CTNNA2: variants seen among roughly 807,000 people sequenced by gnomAD.
CTNNA2 encodes catenin alpha 2.
Under a neutral mutation model 101.0 loss-of-function variants are expected in CTNNA2, and 42 were observed. That is an observed-to-expected ratio of 0.42 (90% CI 0.32 to 0.54). CTNNA2 has a LOEUF of 0.54. Among genes scored for constraint, CTNNA2 ranks in the 20% least tolerant of loss-of-function variants. The probability of loss-of-function intolerance (pLI) is 0.14; values close to 1 mark genes in which losing one functional copy is unlikely to be tolerated. For synonymous variants in CTNNA2, 450 were observed against 456.4 expected, an observed-to-expected ratio of 0.99 and a Z score of 0.18; for missense variants, 871 against 1,223.1, an observed-to-expected ratio of 0.71 and a Z score of 4.29.
chr2:79,702,933 C>T (rs1685108669), intron 2 of CTNNA2, among the ~76,000 whole-genome samples: 1 of 152,174 alleles, frequency 6.6e-6, no homozygotes, highest in Non-Finnish European at 1.5e-5. Flanking sequence ...CTCGCCCTCT[C>T]TGCAGCCCTT....
chr2:79,764,846 C>A (rs1346418787), intron 3 of CTNNA2, among the ~76,000 whole-genome samples: 1 of 152,192 alleles, frequency 6.6e-6, no homozygotes, highest in Non-Finnish European at 1.5e-5. Context: ...ACCACTCTGT[C>A]TGTCTTAGGT....
At chr2:80,583,403 A>T (rs932081397) in intron 14 of CTNNA2, among the ~76,000 whole-genome samples, 3 of 152,192 alleles carry the variant, frequency 2.0e-5, no homozygotes, top group Non-Finnish European at 4.4e-5. Context: ...AAAATTGGAA[A>T]GGTCAGTAAC....
At chr2:79,406,878 A>T (rs1376619) in intron 4 of CTNNA2, among the ~76,000 whole-genome samples, 51,797 of 151,650 alleles carry the variant, frequency 0.34, 9,176 homozygotes, top group South Asian at 0.48. Flanking sequence ...AATTTTTCCA[A>T]TGTTGTTTAT....
At chr2:80,421,620 G>A (rs144303834) in intron 9 of CTNNA2, among the ~76,000 whole-genome samples, 3 of 152,080 alleles carry the variant, frequency 2.0e-5, no homozygotes, top group African/African-American at 7.2e-5. Context: ...TAGATTACTT[G>A]CAGCTCCACA....
intron 2 of CTNNA2, among the ~76,000 whole-genome samples, chr2:79,651,912 G>A (rs368286309): frequency 3.3e-5 from 5 of 152,136 alleles, no homozygotes; most frequent in Non-Finnish European, 5.9e-5. Flanking sequence ...GGTGAAGGGG[G>A]CCCTCATTTA....
intron 7 of CTNNA2, among the ~76,000 whole-genome samples, chr2:80,003,272 C>T (rs1431568343): frequency 6.6e-6 from 1 of 152,072 alleles, no homozygotes; most frequent in Non-Finnish European, 1.5e-5. Flanking sequence ...CATTTTGCCC[C>T]ACCTTCTCTT....
At chr2:79,635,145 G>T (rs1054720060) in intron 1 of CTNNA2, among the ~76,000 whole-genome samples, 1 of 152,252 alleles carries the variant, frequency 6.6e-6, no homozygotes, top group Middle Eastern at 3.4e-3. Flanking sequence ...AGAGAAAGAA[G>T]AGATGGTTGT....
intron 7 of CTNNA2, among the ~76,000 whole-genome samples, chr2:80,133,942 A>G (rs1470755323): frequency 6.6e-6 from 1 of 152,202 alleles, no homozygotes; most frequent in Non-Finnish European, 1.5e-5. Flanking sequence ...CTCATTAGTA[A>G]TATGGGAATA....
At chr2:80,462,627 CTTTCTTTTTT>C (rs1329222210) in intron 9 of CTNNA2, among the ~76,000 whole-genome samples, 1 of 114,362 alleles carries the variant, frequency 8.7e-6, no homozygotes, top group African/African-American at 3.7e-5. Flanking sequence ...TTCTTTCTTT[CTTTCTTTTTT>C]TTTTTTTTTT....
intron 7 of CTNNA2, among the ~76,000 whole-genome samples, chr2:80,139,942 G>C (rs1322439891): frequency 6.6e-6 from 1 of 152,176 alleles, no homozygotes; most frequent in Non-Finnish European, 1.5e-5. Context: ...GAACACCAAA[G>C]AATCAACTCT....
At chr2:79,331,524 T>C (rs1434215) in intron 3 of CTNNA2, among the ~76,000 whole-genome samples, 17,977 of 152,218 alleles carry the variant, frequency 0.12, 1,172 homozygotes, top group East Asian at 0.26. Context: ...AGAAAATTCC[T>C]TCAACTTTTC....
chr2:79,213,860 G>A (rs1433889705), intron 2 of CTNNA2, among the ~76,000 whole-genome samples: 1 of 152,188 alleles, frequency 6.6e-6, no homozygotes. Context: ...TATGAGAACT[G>A]TAGAGAGTGA....
At chr2:79,935,489 G>A (rs939689875) in intron 7 of CTNNA2, among the ~76,000 whole-genome samples, 57 of 152,002 alleles carry the variant, frequency 3.7e-4, no homozygotes, top group Non-Finnish European at 1.3e-4. Context: ...ACACTCTCCT[G>A]TTACACTGCA....
At chr2:80,642,575 T>C (rs939223254) in intron 18 of CTNNA2, among the ~76,000 whole-genome samples, 1 of 152,172 alleles carries the variant, frequency 6.6e-6, no homozygotes, top group Non-Finnish European at 1.5e-5. Context: ...AATTCAACAT[T>C]TCAAGAGGTG....
intron 7 of CTNNA2, among the ~76,000 whole-genome samples, chr2:80,005,234 T>C (rs967868013): frequency 6.6e-6 from 1 of 152,172 alleles, no homozygotes; most frequent in Non-Finnish European, 1.5e-5. Flanking sequence ...TGTGTACTTT[T>C]ACAACGTAGA....
chr2:79,497,464 A>G (rs2103796763), intron 4 of CTNNA2, among the ~76,000 whole-genome samples: 1 of 152,280 alleles, frequency 6.6e-6, no homozygotes, highest in South Asian at 2.1e-4. Flanking sequence ...TGTCATCTAA[A>G]GCCACCAAAT....
At chr2:80,271,530 T>C (rs1016618593) in intron 7 of CTNNA2, among the ~76,000 whole-genome samples, 15 of 151,708 alleles carry the variant, frequency 9.9e-5, no homozygotes, top group African/African-American at 3.6e-4. Context: ...CACGCCATTC[T>C]CCTGCCTCAG....
intron 7 of CTNNA2, among the ~76,000 whole-genome samples, chr2:80,122,112 C>T (rs532529929): frequency 6.6e-6 from 1 of 152,256 alleles, no homozygotes; most frequent in African/African-American, 2.4e-5. Flanking sequence ...AGATGGCTCA[C>T]CTTTTTTTCT....
At chr2:80,376,338 G>C (rs1312705892) in intron 7 of CTNNA2, among the ~76,000 whole-genome samples, 2 of 151,804 alleles carry the variant, frequency 1.3e-5, no homozygotes, top group Non-Finnish European at 2.9e-5. Context: ...CTATTTTCTA[G>C]AATGACAACC....
Sources: gnomAD v4.1 joint callset for allele counts (sites outside exome capture counted in the v4.1 genomes callset) on GRCh38, gnomAD v4.1.1 for gene constraint, MANE v1.5 for transcripts, NCBI Gene and HGNC (gene_info 2026-07-23, HGNC 2026-07-21) for gene names.